The following ZNF469 variants were observed in gnomAD, a reference collection of about 807,000 sequenced individuals.
ZNF469 encodes zinc finger protein 469.
Under a neutral mutation model 1.0 loss-of-function variants are expected in ZNF469, and 1 was observed. The observed-to-expected ratio is 1.00, with a 90% confidence interval of 0.35 to 4.73. The LOEUF (loss-of-function observed/expected upper bound fraction) is 4.73, where lower values mean the gene tolerates loss of function less well. ZNF469 is among the 30% of genes most tolerant of loss of function. ZNF469 has a pLI of 0.16. For synonymous variants in ZNF469, 2,703 were observed against 2,363.4 expected (o/e 1.14, Z -4.17); for missense variants, 6,100 against 5,356.3 (o/e 1.14, Z -4.33).
At chr16:88,265,271 A>G in the ZNF469 span, among the ~76,000 whole-genome samples, 2 of 152,216 alleles carry the variant, frequency 1.3e-5, no homozygotes, top group Admixed American at 1.3e-4. Context: ...TGACCAAGAA[A>G]GGGATCCAAG....
At chr16:88,169,488 G>A in the ZNF469 span, among the ~76,000 whole-genome samples, 5 of 152,228 alleles carry the variant, frequency 3.3e-5, no homozygotes, top group East Asian at 1.9e-4. The surrounding 1 kb of genome is among the most constrained non-coding windows in gnomAD (Gnocchi z 6.1). Context: ...TCTCCAGTAC[G>A]CAACCTTTCA....
the ZNF469 span, among the ~76,000 whole-genome samples, chr16:88,273,804 A>ATTTT: frequency 0.26 from 34,978 of 134,850 alleles, 5,221 homozygotes; most frequent in Non-Finnish European, 0.34. Flanking sequence ...ACTGTGGAAT[A>ATTTT]TTTTTTTTTT....
chr16:88,437,132 G>A lies in ZNF469; in HGVS notation c.9662G>A (p.Ser3221Asn). 6.5e-7 allele frequency: 1 copy of A among 1,548,608 alleles called. No homozygotes were observed. Among genetic ancestry groups the A allele is most frequent in the Non-Finnish European group, 8.7e-7 (1 of 1,146,596 alleles). The change falls in exon 3 of 3, where the codon AGC becomes AAC. Residue 3221 changes from serine to asparagine, a missense_variant. By Grantham distance (46) the Ser-to-Asn change is conservative. Transcript: ENST00000565624. ...GACCTGCCCGGAGGCCTGGAGGGCA[G>A]CAGCGCTGTCGCCCACCTTCTGAAC... ...LGDLPGGLEG[S>N]SAVAHLLNSI... is the part of the protein sequence containing the mutation.
At chr16:88,221,335 C>T in the ZNF469 span, among the ~76,000 whole-genome samples, 1 of 152,230 alleles carries the variant, frequency 6.6e-6, no homozygotes, top group Non-Finnish European at 1.5e-5. Flanking sequence ...AGAGGAAATG[C>T]TTCCCCACTT....
chr16:88,432,061 G>C lies in ZNF469; in HGVS notation c.4591G>C (p.Glu1531Gln). Residue 1531 changes from glutamate (E) to glutamine (Q), a missense_variant, in exon 3 of 3, where the codon GAA becomes CAA. By Grantham distance (29) the Glu-to-Gln change is conservative. Transcript: ENST00000565624. ...GGTGCTCAGTAAGACGTGTCCCCCT[G>C]AACGGACAGTGGTTCCCGGCGCCGC... ...GKVLSKTCPP[E>Q]RTVVPGAAPS... 1 of 1,550,554 alleles carries C rather than the reference G, an allele frequency of 6.4e-7. No individual in the cohort carries two copies. Among genetic ancestry groups the C allele is most frequent in the Non-Finnish European group, 8.7e-7 (1 of 1,147,004 alleles).
the ZNF469 span, among the ~76,000 whole-genome samples, chr16:88,107,638 T>C: frequency 6.6e-6 from 1 of 152,236 alleles, no homozygotes; most frequent in South Asian, 2.1e-4. Flanking sequence ...ATGATCCAGC[T>C]GGGCCCAACA....
rs1225245144 is a variant in ZNF469, at chr16:88,438,627, G to A, written c.11157G>A (p.Met3719Ile). The change falls in exon 3 of 3, where the codon ATG becomes ATA. Residue 3719 changes from methionine (M) to isoleucine (I), a missense_variant. Physicochemically the swap from Met to Ile is conservative, Grantham distance 10 (BLOSUM62 1). Coordinates refer to ENST00000565624, the MANE Select transcript of ZNF469 (RefSeq NM_001367624.2). The part of the protein sequence containing the change: ...GELARGTENG[M>I]KPATPKAKPG... Reference sequence around the variant, plus strand: ...TGGCCCGTGGCACAGAGAATGGGATGAAGCCCGCCACCCCCAAAGCCAAAC... The same window carrying A: ...TGGCCCGTGGCACAGAGAATGGGATAAAGCCCGCCACCCCCAAAGCCAAAC... 1 of 1,550,078 alleles carries A rather than the reference G, an allele frequency of 6.5e-7. No individual in the cohort carries two copies. Among genetic ancestry groups the A allele is most frequent in the Non-Finnish European group, 8.7e-7 (1 of 1,146,908 alleles).
At chr16:88,381,593 G>A (rs191526234), upstream of ZNF469, among the ~76,000 whole-genome samples, 1 of 152,388 alleles carries the variant, frequency 6.6e-6, no homozygotes, top group Admixed American at 6.5e-5. Flanking sequence ...ATTAACTCGA[G>A]AGGGTTTCTT....
chr16:88,221,972 C>G, the ZNF469 span, among the ~76,000 whole-genome samples: 37 of 152,228 alleles, frequency 2.4e-4, no homozygotes, highest in Middle Eastern at 3.4e-3. Flanking sequence ...TACAAAGACC[C>G]TTTTTCCAGA....
the ZNF469 span, among the ~76,000 whole-genome samples, chr16:88,334,053 TGTGTCTGTG>T: frequency 1.5e-5 from 2 of 131,722 alleles, no homozygotes; most frequent in Non-Finnish European, 3.4e-5. Context: ...TCTGTGTGTC[TGTGTCTGTG>T]TGTGTCTGTG....
chr16:88,246,548 C>T, the ZNF469 span, among the ~76,000 whole-genome samples: 23 of 152,342 alleles, frequency 1.5e-4, no homozygotes, highest in African/African-American at 4.3e-4. Context: ...GCATTAGAAT[C>T]GCCAAGAGCG....
chr16:88,401,538 G>GATGGATGGATGA (rs1567501602), intron 1 of ZNF469, among the ~76,000 whole-genome samples: 2 of 82,282 alleles, frequency 2.4e-5, no homozygotes, highest in South Asian at 6.9e-4. Flanking sequence ...TGGATGCATG[G>GATGGATGGATGA]GTGGATGGAT....
At chr16:88,292,343 G>A in the ZNF469 span, among the ~76,000 whole-genome samples, 4 of 152,178 alleles carry the variant, frequency 2.6e-5, no homozygotes, top group African/African-American at 4.8e-5. Context: ...CACAGGAGCC[G>A]GGACATTGGG....
At chr16:88,322,354 G>A in the ZNF469 span, among the ~76,000 whole-genome samples, 4 of 152,332 alleles carry the variant, frequency 2.6e-5, no homozygotes, top group East Asian at 3.9e-4. Context: ...CATGGGAGGC[G>A]GCTGCGAGGC....
At chr16:88,304,534 G>A in the ZNF469 span, among the ~76,000 whole-genome samples, 1 of 152,138 alleles carries the variant, frequency 6.6e-6, no homozygotes, top group Admixed American at 6.5e-5. Flanking sequence ...GTGAGCAAGG[G>A]GGCCAGCATG....
chr16:88,165,278 C>T, the ZNF469 span, among the ~76,000 whole-genome samples: 3,338 of 152,368 alleles, frequency 0.022, 123 homozygotes, highest in African/African-American at 0.078. Flanking sequence ...CCTTCCCTGG[C>T]TCCCAATGCC....
upstream of ZNF469, among the ~76,000 whole-genome samples, chr16:88,382,119 G>A (rs1402469738): frequency 6.6e-6 from 1 of 152,228 alleles, no homozygotes; most frequent in East Asian, 1.9e-4. Context: ...TCTGAAGTGG[G>A]GGAGGGCGAT....
At chr16:88,395,281 GGATGGGTGGATGGATT>G (rs1415190572) in intron 1 of ZNF469, among the ~76,000 whole-genome samples, 2 of 98,554 alleles carry the variant, frequency 2.0e-5, no homozygotes, top group Admixed American at 1.9e-4. Flanking sequence ...ATGGATGGAT[GGATGGGTGGATGGATT>G]GATGGGTTGG....
rs1486223018 is a variant in ZNF469, at chr16:88,429,174, C to G, written c.1704C>G (p.Pro568=). ...CCCTGTTCTTCGGGGTGGCCCAGCC[C>G]CAGGTTTCACCCCACGGGACACCCA... The part of the protein sequence containing the change: ...AQPLFFGVAQ[P]QVSPHGTPSL... The change falls in exon 3 of 3, where the codon CCC becomes CCG. Residue 568 remains proline, a synonymous_variant. Coordinates refer to ENST00000565624, the MANE Select transcript of ZNF469 (RefSeq NM_001367624.2). 2 of 1,549,914 alleles carry G rather than the reference C, an allele frequency of 1.3e-6. No individual in the cohort carries two copies.
Sources: gnomAD v4.1 joint callset for allele counts (sites outside exome capture counted in the v4.1 genomes callset) on GRCh38, gnomAD v4.1.1 for gene constraint, Gnocchi (gnomAD v3.1) non-coding constraint, MANE v1.5 for transcripts, NCBI Gene and HGNC (gene_info 2026-07-23, HGNC 2026-07-21) for gene names.